The following UNC5D variants were observed in gnomAD, a reference collection of about 807,000 sequenced individuals.
UNC5D encodes the protein unc-5 netrin receptor D, also known as netrin receptor UNC5D.
UNC5D carries 39 observed loss-of-function variants against 105.4 expected under a neutral mutation model. The observed-to-expected ratio is 0.37, with a 90% CI of 0.29 to 0.48. The LOEUF (loss-of-function observed/expected upper bound fraction) is 0.48. Ranked by LOEUF, UNC5D falls within the 20% of genes least tolerant of loss-of-function variation. The probability of loss-of-function intolerance (pLI) is 0.98; values close to 1 mark genes in which losing one functional copy is unlikely to be tolerated. For missense variants in UNC5D, 991 were observed against 1,202.4 expected, an observed-to-expected ratio of 0.82 and a Z score of 2.60; for synonymous variants, 452 against 450.4, an observed-to-expected ratio of 1.00 and a Z score of -0.04.
chr8:35,431,506 C>G (rs1181085951), intron 1 of UNC5D, among the ~76,000 whole-genome samples: 2 of 152,020 alleles, frequency 1.3e-5, no homozygotes, highest in East Asian at 3.9e-4. Flanking sequence ...AAGAATGTTT[C>G]TAGGACTTCA....
At chr8:35,644,712 A>T (rs927794863) in intron 4 of UNC5D, among the ~76,000 whole-genome samples, 3 of 152,124 alleles carry the variant, frequency 2.0e-5, no homozygotes, top group East Asian at 1.9e-4. Flanking sequence ...ATTATATTTT[A>T]AAAATGTATA....
chr8:35,477,781 C>G (rs75847020), intron 1 of UNC5D, among the ~76,000 whole-genome samples: 104 of 151,948 alleles, frequency 6.8e-4, no homozygotes, highest in African/African-American at 2.3e-3. Flanking sequence ...TGATACATAG[C>G]GCAACTTATA....
chr8:35,547,071 G>GA lies in UNC5D; in HGVS notation c.104-2213dup, dbSNP rs112358447. 3.2e-3 allele frequency among the ~76,000 whole-genome samples: 492 copies of GA among 151,688 alleles called. 3 individuals carry two copies. Among genetic ancestry groups the GA allele is most frequent in the African/African-American group, 0.011 (455 of 41,370 alleles). ...CCCCTTAAGCTGATGTATTTAATGG[G>GA]AAAAAAAATCTTATTTGGAAGAATC... On this transcript the variant is annotated intron_variant, in intron 1 of 16. Coordinates refer to ENST00000404895, the MANE Select transcript of UNC5D (RefSeq NM_080872.4).
chr8:35,357,393 C>T (rs1160899133), intron 1 of UNC5D, among the ~76,000 whole-genome samples: 1 of 152,160 alleles, frequency 6.6e-6, no homozygotes, highest in East Asian at 1.9e-4. Flanking sequence ...TCATTAACCC[C>T]AGACTGCTGG....
chr8:35,563,487 T>C (rs1448989816), intron 2 of UNC5D, among the ~76,000 whole-genome samples: 1 of 152,082 alleles, frequency 6.6e-6, no homozygotes, highest in Non-Finnish European at 1.5e-5. Context: ...TGCAACTCTA[T>C]AGAATTTGGT....
intron 4 of UNC5D, among the ~76,000 whole-genome samples, chr8:35,641,366 C>CAAAAAAAAAAAAAAAAAAG (rs1822707866): frequency 1.4e-3 from 61 of 44,288 alleles, no homozygotes; most frequent in African/African-American, 1.8e-3. Flanking sequence ...AAAAATAAAG[C>CAAAAAAAAAAAAAAAAAAG]AAAAAAAAAA....
At chr8:35,690,974 G>C (rs1243843727) in intron 7 of UNC5D, among the ~76,000 whole-genome samples, 1 of 152,156 alleles carries the variant, frequency 6.6e-6, no homozygotes, top group Non-Finnish European at 1.5e-5. Flanking sequence ...TTGGCTCTTA[G>C]ATGACCTACA....
chr8:35,569,361 T>G (rs1331835413), intron 3 of UNC5D, among the ~76,000 whole-genome samples: 1 of 152,156 alleles, frequency 6.6e-6, no homozygotes, highest in Non-Finnish European at 1.5e-5. Flanking sequence ...AATACTGCCT[T>G]TTGAGAGTGT....
At chr8:35,269,509 G>C (rs1805126237) in intron 1 of UNC5D, among the ~76,000 whole-genome samples, 1 of 152,138 alleles carries the variant, frequency 6.6e-6, no homozygotes, top group Admixed American at 6.5e-5. Flanking sequence ...TTATGATAGT[G>C]TCAATGTTTT....
At chr8:35,699,599 T>C (rs1418564239) in intron 7 of UNC5D, among the ~76,000 whole-genome samples, 7 of 152,192 alleles carry the variant, frequency 4.6e-5, no homozygotes, top group Non-Finnish European at 1.0e-4. Context: ...ACATCACCAA[T>C]TGGAAAACTC....
chr8:35,642,142 A>G (rs186056945), intron 4 of UNC5D, among the ~76,000 whole-genome samples: 5 of 152,100 alleles, frequency 3.3e-5, no homozygotes, highest in Admixed American at 3.3e-4. Context: ...TTTATCTTAC[A>G]CTCCCTGATC....
chr8:35,670,192 A>C (rs1824687313), intron 4 of UNC5D, among the ~76,000 whole-genome samples: 1 of 152,200 alleles, frequency 6.6e-6, no homozygotes, highest in Admixed American at 6.5e-5. Flanking sequence ...TCAAATAAGA[A>C]TACAGATCAA....
intron 4 of UNC5D, among the ~76,000 whole-genome samples, chr8:35,610,529 G>T (rs1820602862): frequency 6.6e-6 from 1 of 152,176 alleles, no homozygotes. Context: ...GGGACAAGGA[G>T]CCTGGGACAG....
chr8:35,449,663 C>T (rs1311570901), intron 1 of UNC5D, among the ~76,000 whole-genome samples: 1 of 152,082 alleles, frequency 6.6e-6, no homozygotes, highest in Non-Finnish European at 1.5e-5. Context: ...ATCCTGTTGT[C>T]ATTATTCTTG....
chr8:35,767,722 A>T (rs1415366002), intron 15 of UNC5D, among the ~76,000 whole-genome samples: 2 of 152,218 alleles, frequency 1.3e-5, no homozygotes, highest in African/African-American at 4.8e-5. Flanking sequence ...TCAAATCAGT[A>T]TTGGAAGGTA....
chr8:35,578,761 A>G (rs1818278255), intron 3 of UNC5D, among the ~76,000 whole-genome samples: 1 of 152,190 alleles, frequency 6.6e-6, no homozygotes, highest in Non-Finnish European at 1.5e-5. Context: ...TAATTGATAT[A>G]AGTTGTGCTA....
intron 1 of UNC5D, among the ~76,000 whole-genome samples, chr8:35,341,312 A>T (rs1376113680): frequency 6.6e-6 from 1 of 152,172 alleles, no homozygotes; most frequent in African/African-American, 2.4e-5. Flanking sequence ...CTACTTAAAC[A>T]GAAATTCTTC....
chr8:35,725,890 TGAAAAGATAGCACG>T (rs1163236018), intron 9 of UNC5D, among the ~76,000 whole-genome samples: 1 of 152,194 alleles, frequency 6.6e-6, no homozygotes, highest in Non-Finnish European at 1.5e-5. Context: ...ATACTTGTTT[TGAAAAGATAGCACG>T]GAAAGATCTC....
intron 4 of UNC5D, among the ~76,000 whole-genome samples, chr8:35,680,847 A>C (rs1262799445): frequency 6.6e-6 from 1 of 152,210 alleles, no homozygotes; most frequent in Non-Finnish European, 1.5e-5. Flanking sequence ...TTTGAGGAGA[A>C]GCATGAAAGA....
Sources: gnomAD v4.1 joint callset for allele counts (sites outside exome capture counted in the v4.1 genomes callset) on GRCh38, gnomAD v4.1.1 for gene constraint, MANE v1.5 for transcripts, NCBI Gene and HGNC (gene_info 2026-07-23, HGNC 2026-07-21) for gene names.